The following PDCD6IP variants were observed in gnomAD, a reference collection of about 807,000 sequenced individuals.
PDCD6IP encodes programmed cell death 6-interacting protein.
PDCD6IP carries 43 observed loss-of-function variants against 103.7 expected under a neutral mutation model. The observed-to-expected ratio is 0.41, with a 90% CI of 0.32 to 0.53. The LOEUF (loss-of-function observed/expected upper bound fraction) is 0.53, where lower values mean the gene tolerates loss of function less well. PDCD6IP is among the 20% of genes least tolerant of loss of function. The pLI is 0.16. For synonymous variants in PDCD6IP, 354 were observed against 378.7 expected (o/e 0.93, Z 0.76); for missense variants, 871 against 1,036.7 (o/e 0.84, Z 2.20).
At chr3:33,866,227 AC>A in intron 17 of PDCD6IP, 123 bp from the exon 18 acceptor site, 1 of 569,404 alleles carries the variant, frequency 1.8e-6, no homozygotes. Flanking sequence ...TTTTCACTCC[AC>A]TGTTCTTTAA....
In PDCD6IP at chr3:33,821,863, G is replaced by A. The variant is rs752798472; in HGVS notation, c.335-92G>A. On this transcript the variant is annotated intron_variant, in intron 3 of 17. Coordinates refer to ENST00000307296, the MANE Select transcript of PDCD6IP (RefSeq NM_013374.6). ...GAAACTTGTTTTTGTGAGAGTCAGCGGGATGAGAGAGGTCATAGTATTTCT... is the reference window on the plus strand; with the variant it reads ...GAAACTTGTTTTTGTGAGAGTCAGCAGGATGAGAGAGGTCATAGTATTTCT... 2.2e-3 allele frequency: 2,630 copies of A among 1,206,592 alleles called. 3 individuals carry two copies. The highest frequency in any genetic ancestry group is 2.8e-3 in the Non-Finnish European group (2,439 of 867,686). 74.7% of individuals were successfully genotyped at this position (1,206,592 alleles called of 1,614,324 possible). A position where few individuals can be genotyped will look rare whatever the true frequency, so the allele number is the denominator to read the frequency against.
At chr3:33,814,734 T>C (rs1696803367) in intron 3 of PDCD6IP, among the ~76,000 whole-genome samples, 1 of 145,972 alleles carries the variant, frequency 6.9e-6, no homozygotes, top group Non-Finnish European at 1.5e-5. Context: ...TAATGTATTA[T>C]ATACATATAT....
chr3:33,856,292 A>G (rs1325403712), intron 15 of PDCD6IP, among the ~76,000 whole-genome samples: 1 of 152,246 alleles, frequency 6.6e-6, no homozygotes, highest in Non-Finnish European at 1.5e-5. Context: ...AACTGCAGGA[A>G]TATGGTAAGA....
chr3:33,838,286 A>C lies in PDCD6IP; in HGVS notation c.1140A>C (p.Arg380Ser). Reference protein sequence around the residue: ...YNQRKADLVNRSIAQMREATT... With the variant: ...YNQRKADLVNSSIAQMREATT... ...AGAGGAAAGCCGATTTGGTTAACAGATCAATTGCTCAGATGAGAGAAGCCA... is the reference window on the plus strand; with the variant it reads ...AGAGGAAAGCCGATTTGGTTAACAGCTCAATTGCTCAGATGAGAGAAGCCA... Residue 380 changes from arginine (R) to serine (S), a missense_variant, in exon 9 of 18, where the codon AGA becomes AGC. Arg to Ser is a moderately radical substitution (Grantham distance 110, BLOSUM62 -1). Around this residue, in one of 5 missense-constraint regions of PDCD6IP, gnomAD observed 266 missense variants for 390.5 expected, o/e 0.68. Coordinates refer to ENST00000307296, the MANE Select transcript of PDCD6IP (RefSeq NM_013374.6). 1 of 1,613,428 alleles carries C rather than the reference A, an allele frequency of 6.2e-7. No homozygotes were observed. Among genetic ancestry groups the C allele is most frequent in the Non-Finnish European group, 8.5e-7 (1 of 1,179,350 alleles).
chr3:33,858,440 T>C (rs1697876776), intron 15 of PDCD6IP, among the ~76,000 whole-genome samples: 2 of 152,198 alleles, frequency 1.3e-5, no homozygotes, highest in Non-Finnish European at 2.9e-5. Flanking sequence ...GCGCTATGAT[T>C]GTACCGTAAA....
chr3:33,853,852 A>C (rs1697771560), intron 13 of PDCD6IP, 27 bp from the exon 14 acceptor site: 1 of 1,375,336 alleles, frequency 7.3e-7, no homozygotes, highest in African/African-American at 1.5e-5. Flanking sequence ...AAATAAATGT[A>C]AATATGTAAA....
chr3:33,853,140 G>A (rs1286315280), intron 13 of PDCD6IP, among the ~76,000 whole-genome samples: 4 of 152,078 alleles, frequency 2.6e-5, no homozygotes, highest in Non-Finnish European at 5.9e-5. Context: ...AGCCAGGATG[G>A]TCTCGATCTC....
rs1420716569 is a variant in PDCD6IP at position 33,866,334 on chromosome 3, C to T, written c.2433-17C>T. The T allele has an allele frequency of 7.0e-7, 1 of 1,420,792 alleles. No individual in the cohort carries two copies. Among genetic ancestry groups the T allele is most frequent in the South Asian group, 1.5e-5 (1 of 66,754 alleles). The allele number at this position is 1,420,792 out of a possible 1,614,324, so 88.0% of individuals were successfully genotyped here. A position where few individuals can be genotyped will look rare whatever the true frequency, so the allele number is the denominator to read the frequency against. On this transcript the variant is annotated splice_polypyrimidine_tract_variant and intron_variant, in intron 17 of 17. Transcript: ENST00000307296. ...ATTTGATTTACCAATCAAGATTTTT[C>T]TGTTTTCTTCTATCAGGTATTGCCA...
At chr3:33,860,487 TACAC>T (rs1697928865) in intron 15 of PDCD6IP, among the ~76,000 whole-genome samples, 1 of 152,184 alleles carries the variant, frequency 6.6e-6, no homozygotes, top group African/African-American at 2.4e-5. Context: ...CTTAAATCAA[TACAC>T]AGAAAATTCT....
chr3:33,803,725 G>T (rs957909628), intron 1 of PDCD6IP, among the ~76,000 whole-genome samples: 3 of 152,042 alleles, frequency 2.0e-5, no homozygotes, highest in African/African-American at 4.8e-5. Context: ...TTTGCCAAAG[G>T]TTTGGAGCCA....
intron 1 of PDCD6IP, among the ~76,000 whole-genome samples, chr3:33,804,765 A>G (rs536372831): frequency 2.0e-5 from 3 of 152,280 alleles, no homozygotes; most frequent in Non-Finnish European, 2.9e-5. Flanking sequence ...TTCCCCAGCT[A>G]GTTACTTTTT....
intron 1 of PDCD6IP, among the ~76,000 whole-genome samples, chr3:33,804,503 A>G (rs983910659): frequency 2.0e-5 from 3 of 152,276 alleles, no homozygotes; most frequent in African/African-American, 4.8e-5. Context: ...CCTGGTCTCA[A>G]GGAATATCTG....
intron 1 of PDCD6IP, among the ~76,000 whole-genome samples, chr3:33,800,924 A>G (rs537684608): frequency 1.3e-5 from 2 of 152,312 alleles, no homozygotes; most frequent in Non-Finnish European, 2.9e-5. Flanking sequence ...TTAAAACTTA[A>G]TTCATTTGTT....
At chr3:33,846,017 G>T (rs34944435) in intron 12 of PDCD6IP, among the ~76,000 whole-genome samples, 1 of 152,186 alleles carries the variant, frequency 6.6e-6, no homozygotes, top group East Asian at 1.9e-4. Context: ...AGGTGTGCAT[G>T]TTAATAAATG....
At chr3:33,845,321 A>C in intron 11 of PDCD6IP, 98 bp from the exon 12 acceptor site, 2 of 782,080 alleles carry the variant, frequency 2.6e-6, no homozygotes, top group Non-Finnish European at 4.1e-6. Flanking sequence ...GAAGGGGAGG[A>C]TAAGTAAAGT....
chr3:33,820,252 C>T (rs1470141451), intron 3 of PDCD6IP, among the ~76,000 whole-genome samples: 1 of 151,644 alleles, frequency 6.6e-6, no homozygotes, highest in Non-Finnish European at 1.5e-5. Flanking sequence ...TAGTGCACTC[C>T]AGCCTGGGTG....
At chr3:33,835,846 T>C (rs533213917) in intron 7 of PDCD6IP, among the ~76,000 whole-genome samples, 198 bp from the exon 8 acceptor site, 1 of 152,230 alleles carries the variant, frequency 6.6e-6, no homozygotes, top group South Asian at 2.1e-4. Context: ...GAGATAGCTG[T>C]TATGTATTAT....
chr3:33,866,222 A>G, intron 17 of PDCD6IP, 129 bp from the exon 18 acceptor site: 1 of 532,312 alleles, frequency 1.9e-6, no homozygotes, highest in South Asian at 5.1e-5. Context: ...AGTTTTTTTC[A>G]CTCCACTGTT....
rs1456181359 is a variant in PDCD6IP, at chr3:33,845,540, T to C, written c.1593T>C (p.Asn531=). 1 of 1,613,340 alleles carries C rather than the reference T, an allele frequency of 6.2e-7. No individual in the cohort carries two copies. The highest frequency in any genetic ancestry group is 1.7e-4 in the Middle Eastern group (1 of 6,058). The change falls in exon 12 of 18, where the codon AAT becomes AAC. Residue 531 remains asparagine, a synonymous_variant. Transcript: ENST00000307296. ...VLLCKPEPEL[N]AAIPSANPAK... Reference sequence around the variant, plus strand: ...TGTGTAAGCCAGAGCCTGAGCTGAATGCTGCCATCCCTTCTGCTAATCCAG... The same window carrying C: ...TGTGTAAGCCAGAGCCTGAGCTGAACGCTGCCATCCCTTCTGCTAATCCAG...
Sources: gnomAD v4.1 joint callset for allele counts (sites outside exome capture counted in the v4.1 genomes callset) on GRCh38, gnomAD v4.1.1 for gene constraint, gnomAD v4.1.1 regional missense constraint, MANE v1.5 for transcripts, NCBI Gene and HGNC (gene_info 2026-07-23, HGNC 2026-07-21) for gene names.